Variants in BEGAIN observed in about 807,000 individuals in gnomAD.
BEGAIN encodes brain enriched guanylate kinase associated.
Under a neutral mutation model 35.8 loss-of-function variants are expected in BEGAIN, and 19 were observed. The ratio of observed to expected loss-of-function variants is 0.53; its 90% CI spans 0.37 to 0.78. BEGAIN has a LOEUF of 0.78. BEGAIN is among the 30% of genes least tolerant of loss of function. The pLI is 0.00. For missense variants in BEGAIN, 795 were observed against 853.6 expected, an observed-to-expected ratio of 0.93 and a Z score of 0.85; for synonymous variants, 462 against 388.6, an observed-to-expected ratio of 1.19 and a Z score of -2.22.
At chr14:100,544,581 G>A (rs552676107) in intron 4 of BEGAIN, among the ~76,000 whole-genome samples, 1 of 152,334 alleles carries the variant, frequency 6.6e-6, no homozygotes, top group East Asian at 1.9e-4. Context: ...TCACCTGCAG[G>A]TGGTGTGAGG....
At chr14:100,547,466 C>T (rs887552526) in intron 2 of BEGAIN, 2 of 152,308 alleles carry the variant, frequency 1.3e-5, no homozygotes, top group African/African-American at 4.8e-5. Flanking sequence ...CACTATGACC[C>T]ACTCTTCCGA....
intron 2 of BEGAIN, among the ~76,000 whole-genome samples, chr14:100,566,950 GA>G (rs2034734803): frequency 6.6e-6 from 1 of 152,196 alleles, no homozygotes; most frequent in African/African-American, 2.4e-5. Context: ...TCAGCTGGCA[GA>G]GCCCAGGGCC....
chr14:100,568,331 T>G lies in BEGAIN; in HGVS notation c.43-392A>C. On this transcript the variant is annotated intron_variant, in intron 1 of 6. Coordinates refer to ENST00000554140, the MANE Select transcript of BEGAIN (RefSeq NM_001385089.1). This position sits in a 1 kb window ranked among gnomAD's most constrained non-coding sequence, Gnocchi z 7.5. ...CTCCCCCCGCCCCGCCCGTTAACCC[T>G]TCCTGCCCCGCGCTCCCTCCCGGAG... The G allele has an allele frequency of 2.7e-5, 8 of 296,534 alleles. No homozygotes were observed. The highest frequency in any genetic ancestry group is 4.7e-5 in the Non-Finnish European group (8 of 171,614). The allele number at this position is 296,534 out of a possible 1,614,324, so 18.4% of individuals were successfully genotyped here. A position where few individuals can be genotyped will look rare whatever the true frequency, so the allele number is the denominator to read the frequency against.
At chr14:100,551,431 C>T (rs79830465) in intron 2 of BEGAIN, among the ~76,000 whole-genome samples, 2 of 152,212 alleles carry the variant, frequency 1.3e-5, no homozygotes, top group Non-Finnish European at 1.5e-5. Context: ...GGCTCTGATG[C>T]TGCCCCAGAA....
intron 2 of BEGAIN, chr14:100,549,164 C>G (rs2032910940): frequency 1.3e-5 from 2 of 152,470 alleles, no homozygotes; most frequent in Admixed American, 6.5e-5. Flanking sequence ...ACAGGCCCCT[C>G]CCGACCTCGC....
intron 2 of BEGAIN, among the ~76,000 whole-genome samples, chr14:100,556,683 C>T (rs955761088): frequency 2.0e-5 from 3 of 152,216 alleles, no homozygotes; most frequent in Admixed American, 2.0e-4. Context: ...GGGCTGTCTC[C>T]TCCCAGTCAG....
intron 1 of BEGAIN, among the ~76,000 whole-genome samples, chr14:100,576,372 G>A (rs907539512): frequency 6.6e-6 from 1 of 152,190 alleles, no homozygotes; most frequent in Middle Eastern, 3.2e-3. Context: ...ATGCACTGGG[G>A]ACATAATGAT....
Position 100,538,603 on chromosome 14 carries a change from G to A in BEGAIN, c.1205C>T (p.Pro402Leu). ...SPYPAETFRFPASPGPQQALM... is the reference protein window; with the variant it reads ...SPYPAETFRFLASPGPQQALM... The stretch of plus-strand genomic sequence containing the variant: ...GGCCTGCTGGGGACCCGGAGAGGCC[G>A]GGAAGCGGAAGGTCTCGGCCGGGTA... The change falls in exon 7 of 7, where the codon CCG becomes CTG. Residue 402 changes from proline (P) to leucine (L), a missense_variant. Pro to Leu is a moderately conservative substitution (Grantham distance 98). Transcript: ENST00000554140. The A allele has an allele frequency of 6.5e-7, 1 of 1,549,214 alleles. No individual in the cohort carries two copies. Among genetic ancestry groups the A allele is most frequent in the Non-Finnish European group, 8.7e-7 (1 of 1,146,306 alleles).
rs932502978 is a variant in BEGAIN, at chr14:100,561,073, A to T, written c.71+6838T>A. ...AGGGGGAGCCCCATGCGGGCCTGACATGGAGCCCTGAGAAACAGGCACGTG... is the reference window on the plus strand; with the variant it reads ...AGGGGGAGCCCCATGCGGGCCTGACTTGGAGCCCTGAGAAACAGGCACGTG... On this transcript the variant is annotated intron_variant, in intron 2 of 6. Coordinates refer to ENST00000554140, the MANE Select transcript of BEGAIN (RefSeq NM_001385089.1). 5.9e-5 allele frequency among the ~76,000 whole-genome samples: 9 copies of T among 152,142 alleles called. 1 individual carries two copies. Among genetic ancestry groups the T allele is most frequent in the African/African-American group, 2.2e-4 (9 of 41,432 alleles).
Position 100,568,287 on chromosome 14 carries a change from G to C in BEGAIN, c.43-348C>G. Reference sequence around the variant, plus strand: ...CTCGGCCTGTCCCCGTTAACTCTCCGGCGGCCGCGGCCCCGCTGCTCCCCC... The same window carrying C: ...CTCGGCCTGTCCCCGTTAACTCTCCCGCGGCCGCGGCCCCGCTGCTCCCCC... On this transcript the variant is annotated intron_variant, in intron 1 of 6. Coordinates refer to ENST00000554140, the MANE Select transcript of BEGAIN (RefSeq NM_001385089.1). The surrounding 1 kb of genome is among the most constrained non-coding windows in gnomAD (Gnocchi z 7.5). 1 of 720,488 alleles carries C rather than the reference G, an allele frequency of 1.4e-6. No individual in the cohort carries two copies. The highest frequency in any genetic ancestry group is 2.0e-6 in the Non-Finnish European group (1 of 499,250). 44.6% of individuals were successfully genotyped at this position (720,488 alleles called of 1,614,324 possible). A position where few individuals can be genotyped will look rare whatever the true frequency, so the allele number is the denominator to read the frequency against.
intron 2 of BEGAIN, among the ~76,000 whole-genome samples, chr14:100,560,090 A>AGGGT (rs923736843): frequency 1.3e-5 from 2 of 152,082 alleles, no homozygotes; most frequent in African/African-American, 4.8e-5. Context: ...TGGGCAGGAG[A>AGGGT]GGGTGGGTGG....
At chr14:100,547,094 C>T (rs2032625072) in intron 2 of BEGAIN, 1 of 155,500 alleles carries the variant, frequency 6.4e-6, no homozygotes, top group African/African-American at 2.4e-5. Context: ...CTCACTCCTG[C>T]TCCTCCACAG....
At chr14:100,560,870 C>T (rs1001287660) in intron 2 of BEGAIN, among the ~76,000 whole-genome samples, 2 of 152,222 alleles carry the variant, frequency 1.3e-5, no homozygotes, top group African/African-American at 2.4e-5. Context: ...GAGCTGCCCT[C>T]GACACGAGCC....
chr14:100,575,614 A>G (rs995505928), intron 1 of BEGAIN, among the ~76,000 whole-genome samples: 1 of 152,124 alleles, frequency 6.6e-6, no homozygotes, highest in Admixed American at 6.5e-5. Context: ...GTTGGTGCCC[A>G]TCATGAGATA....
rs1209282592 is a variant in BEGAIN, at chr14:100,543,969, G to A, written c.301-4C>T. On this transcript the variant is annotated splice_region_variant and splice_polypyrimidine_tract_variant and intron_variant, in intron 4 of 6. Coordinates refer to ENST00000554140, the MANE Select transcript of BEGAIN (RefSeq NM_001385089.1). ...TCTCCTCCTCATAGTGCTGGCCCTG[G>A]GGGTGGGACAGTGGGAGGAGGAGGC... The A allele has an allele frequency of 5.6e-6, 9 of 1,604,150 alleles. No individual in the cohort carries two copies. Among genetic ancestry groups the A allele is most frequent in the Non-Finnish European group, 7.7e-6 (9 of 1,175,430 alleles).
intron 2 of BEGAIN, chr14:100,550,436 G>A (rs376218445): frequency 2.5e-5 from 10 of 399,234 alleles, no homozygotes; most frequent in East Asian, 1.4e-4. Flanking sequence ...CAGATGGAGG[G>A]CGAGGACCTG....
At position 100,568,545 on chromosome 14, in the gene BEGAIN, C is replaced by G. The variant is rs997726361; in HGVS notation, c.43-606G>C. On this transcript the variant is annotated intron_variant, in intron 1 of 6. Coordinates refer to ENST00000554140, the MANE Select transcript of BEGAIN (RefSeq NM_001385089.1). This position sits in a 1 kb window ranked among gnomAD's most constrained non-coding sequence, Gnocchi z 7.5. ...GGGCCTGGCTTGCCCCTCCCGGGCC[C>G]CAGGGATTAACCCGTGAGCGCCCGG... 3.1e-6 allele frequency: 4 copies of G among 1,283,314 alleles called. No individual in the cohort carries two copies. Among genetic ancestry groups the G allele is most frequent in the Non-Finnish European group, 4.1e-6 (4 of 985,552 alleles). The allele number at this position is 1,283,314 out of a possible 1,614,324, so 79.5% of individuals were successfully genotyped here. A position where few individuals can be genotyped will look rare whatever the true frequency, so the allele number is the denominator to read the frequency against.
At position 100,575,861 on chromosome 14, in the gene BEGAIN, G is replaced by T. The variant is rs144002967; in HGVS notation, c.43-7922C>A. Among the ~76,000 whole-genome samples, 463 of 152,162 alleles carry T rather than the reference G, an allele frequency of 3.0e-3. 7 individuals are homozygous for T. The highest frequency in any genetic ancestry group is 0.011 in the African/African-American group (445 of 41,528). On this transcript the variant is annotated intron_variant, in intron 1 of 6. Transcript: ENST00000554140. ...GGCCCTGAGGCCCCAAGAGATATGT[G>T]CAAGAAGCCCTGGGATGGAATCCTC...
chr14:100,577,144 C>T (rs2035219805), intron 1 of BEGAIN, among the ~76,000 whole-genome samples: 1 of 152,214 alleles, frequency 6.6e-6, no homozygotes, highest in Non-Finnish European at 1.5e-5. Context: ...TCTGCCTGCC[C>T]CAAAGCCAGA....
Sources: allele counts gnomAD v4.1 joint callset (sites outside exome capture counted in the v4.1 genomes callset), GRCh38; gene constraint gnomAD v4.1.1; non-coding constraint Gnocchi (gnomAD v3.1); transcripts MANE v1.5; gene names NCBI Gene and HGNC (gene_info 2026-07-23, HGNC 2026-07-21).